OTOA: variants seen among roughly 807,000 people sequenced by gnomAD.
The protein encoded by OTOA is cancer/testis antigen 108.
Under a neutral mutation model 110.8 loss-of-function variants are expected in OTOA, and 70 were observed. The ratio of observed to expected loss-of-function variants is 0.63; its 90% confidence interval spans 0.52 to 0.77. OTOA has a LOEUF of 0.77. OTOA is among the 30% of genes least tolerant of loss of function. The probability of loss-of-function intolerance (pLI) is 0.00; values close to 1 mark genes in which losing one functional copy is unlikely to be tolerated. For missense variants in OTOA, 917 were observed against 1,075.8 expected, an observed-to-expected ratio of 0.85 and a Z score of 2.06; for synonymous variants, 373 against 431.5, an observed-to-expected ratio of 0.86 and a Z score of 1.68.
chr16:21,735,234 C>T (rs1326809673), intron 21 of OTOA, among the ~76,000 whole-genome samples: 1 of 151,834 alleles, frequency 6.6e-6, no homozygotes, highest in Non-Finnish European at 1.5e-5. Flanking sequence ...TGCCCAGCTT[C>T]TGGGAAGGCC....
chr16:21,706,637 C>T (rs76757709), intron 12 of OTOA, among the ~76,000 whole-genome samples: 1,623 of 152,218 alleles, frequency 0.011, 43 homozygotes, highest in South Asian at 0.061. Context: ...AATTCTACCC[C>T]CTTCCATTCC....
At chr16:21,713,796 C>T (rs1242177741) in intron 13 of OTOA, among the ~76,000 whole-genome samples, 1 of 152,146 alleles carries the variant, frequency 6.6e-6, no homozygotes, top group Non-Finnish European at 1.5e-5. Flanking sequence ...CATCTGGTCT[C>T]TTCTAGCCTC....
chr16:21,694,798 A>G (rs1897898722), intron 9 of OTOA, among the ~76,000 whole-genome samples: 1 of 152,168 alleles, frequency 6.6e-6, no homozygotes, highest in East Asian at 1.9e-4. Flanking sequence ...TTTGTGCATA[A>G]TGAACATTAA....
rs374911630 is a variant in OTOA, at chr16:21,684,604, A to G, written c.268-626A>G. On this transcript the variant is annotated intron_variant, in intron 6 of 28. Transcript: ENST00000646100. Reference sequence around the variant, plus strand: ...CTGGCTGGGCCTGAGAGTTACTTCAACAAGCAGCTGTCCCTTGGCTTGCCA... The same window carrying G: ...CTGGCTGGGCCTGAGAGTTACTTCAGCAAGCAGCTGTCCCTTGGCTTGCCA... The G allele has an allele frequency of 4.8e-5, 69 of 1,437,156 alleles. No individual in the cohort carries two copies. The African/African-American group carries it at 7.9e-4, about 16-fold the overall frequency. The allele number at this position is 1,437,156 out of a possible 1,614,324, so 89.0% of individuals were successfully genotyped here.
chr16:21,679,096 T>G, intron 4 of OTOA, 30 bp downstream of exon 4: 1 of 1,613,582 alleles, frequency 6.2e-7, no homozygotes, highest in Non-Finnish European at 8.5e-7. Context: ...TCCACTTGCT[T>G]CTTCTAAGAA....
At chr16:21,667,218 A>G (rs1597800448) in intron 1 of OTOA, among the ~76,000 whole-genome samples, 1 of 152,216 alleles carries the variant, frequency 6.6e-6, no homozygotes, top group South Asian at 2.1e-4. Flanking sequence ...GTGTCTGGGA[A>G]CTTCAAAAGT....
intron 2 of OTOA, 28 bp from the exon 3 acceptor site, chr16:21,678,887 A>G: frequency 6.2e-7 from 1 of 1,610,672 alleles, no homozygotes; most frequent in Non-Finnish European, 8.5e-7. Context: ...ATTCAATTCT[A>G]GTTATACATT....
intron 22 of OTOA, among the ~76,000 whole-genome samples, chr16:21,738,861 G>A (rs1382614601): frequency 6.6e-6 from 1 of 151,984 alleles, no homozygotes; most frequent in East Asian, 1.9e-4. Context: ...AGGAAACTGG[G>A]GCTTAGGAGA....
At chr16:21,684,759 A>T (rs1419635002) in intron 6 of OTOA, among the ~76,000 whole-genome samples, 17 of 92,376 alleles carry the variant, frequency 1.8e-4, no homozygotes, top group African/African-American at 6.2e-4. Flanking sequence ...TATTATTATT[A>T]TTATTATTTT....
At chr16:21,757,615 C>CTATTATTATTATTATTATTAT (rs557683434) in intron 28 of OTOA, among the ~76,000 whole-genome samples, 463 of 149,846 alleles carry the variant, frequency 3.1e-3, no homozygotes, top group African/African-American at 0.01. Flanking sequence ...TAATAATGAA[C>CTATTATTATTATTATTATTAT]TATTATTATT....
intron 11 of OTOA, among the ~76,000 whole-genome samples, chr16:21,704,622 T>C (rs1043863830): frequency 1.3e-5 from 2 of 152,156 alleles, no homozygotes; most frequent in Admixed American, 1.3e-4. Flanking sequence ...GGGGGTGTCG[T>C]GTCCACCAGC....
At chr16:21,723,012 T>C in intron 18 of OTOA, 34 bp downstream of exon 18, 1 of 1,601,616 alleles carries the variant, frequency 6.2e-7, no homozygotes, top group Non-Finnish European at 8.6e-7. Flanking sequence ...TTCTGGCTCA[T>C]CAGTGAGATC....
chr16:21,697,037 CTTTTT>C (rs56124254), intron 9 of OTOA, among the ~76,000 whole-genome samples: 8 of 65,046 alleles, frequency 1.2e-4, no homozygotes, highest in African/African-American at 3.4e-4. Flanking sequence ...CTACAGCTGG[CTTTTT>C]TTTTTTTTTT....
chr16:21,707,643 TTCTTTCTTTCTTTC>T (rs773950943), intron 12 of OTOA, among the ~76,000 whole-genome samples: 2,279 of 112,964 alleles, frequency 0.02, 9 homozygotes, highest in Non-Finnish European at 0.031. Context: ...CTTTCTTTCT[TTCTTTCTTTCTTTC>T]TCTTTCTTTC....
chr16:21,705,343 A>C, intron 12 of OTOA, 51 bp downstream of exon 12: 1 of 1,612,566 alleles, frequency 6.2e-7, no homozygotes, highest in Non-Finnish European at 8.5e-7. Context: ...GTCACTAGCC[A>C]GAGAAATGGG....
chr16:21,675,206 G>A (rs986220477), intron 1 of OTOA, among the ~76,000 whole-genome samples: 1 of 141,086 alleles, frequency 7.1e-6, no homozygotes, highest in African/African-American at 2.6e-5. Context: ...CTGGAGTGCA[G>A]TGGTGCAATC....
chr16:21,685,387 A>T, intron 7 of OTOA, 26 bp downstream of exon 7: 1 of 1,606,820 alleles, frequency 6.2e-7, no homozygotes, highest in Non-Finnish European at 8.5e-7. Context: ...CATCCCGGGG[A>T]TAGAGGAAGT....
rs780594618 is a variant in OTOA at position 21,685,212 on chromosome 16, C to G, written c.268-18C>G. 4 of 1,610,500 alleles carry G rather than the reference C, an allele frequency of 2.5e-6. No individual in the cohort carries two copies. Among genetic ancestry groups the G allele is most frequent in the Admixed American group, 1.7e-5 (1 of 59,904 alleles). On this transcript the variant is annotated intron_variant, in intron 6 of 28. Coordinates refer to ENST00000646100, the MANE Select transcript of OTOA (RefSeq NM_144672.4). ...GCTCTTTCTGTTCTCACCGACTCTC[C>G]CAACACCCCAAATACAGGCAGCCGT...
chr16:21,707,617 C>CTT (rs1555499019), intron 12 of OTOA, among the ~76,000 whole-genome samples: 2 of 89,960 alleles, frequency 2.2e-5, no homozygotes, highest in Admixed American at 1.3e-4. Flanking sequence ...TTCTTTCTTT[C>CTT]TTTCTTTCTT....
Sources: allele counts gnomAD v4.1 joint callset (sites outside exome capture counted in the v4.1 genomes callset), GRCh38; gene constraint gnomAD v4.1.1; transcripts MANE v1.5; gene names NCBI Gene and HGNC (gene_info 2026-07-23, HGNC 2026-07-21).